ATF7IP: variants seen among roughly 807,000 people sequenced by gnomAD.
ATF7IP encodes the protein activating transcription factor 7-interacting protein 1.
In ATF7IP, 23 loss-of-function variants were observed where a neutral mutation model predicts 106.4. That is an observed-to-expected ratio of 0.22 (90% confidence interval 0.16 to 0.31). The LOEUF is 0.31. Among genes scored for constraint, ATF7IP ranks in the 10% least tolerant of loss-of-function variants. The probability of loss-of-function intolerance (pLI) is 1.00; values close to 1 mark genes in which losing one functional copy is unlikely to be tolerated. For synonymous variants in ATF7IP, 542 were observed against 539.0 expected (o/e 1.01, Z -0.08); for missense variants, 1,334 against 1,524.3 (o/e 0.88, Z 2.08).
At chr12:14,469,381 A>C (rs1046678503) in intron 10 of ATF7IP, among the ~76,000 whole-genome samples, 8 of 135,406 alleles carry the variant, frequency 5.9e-5, no homozygotes, top group African/African-American at 2.0e-4. Context: ...AAAAAAAAAA[A>C]AACTTGGACA....
chr12:14,430,248 C>G (rs1292690045), intron 2 of ATF7IP, among the ~76,000 whole-genome samples: 2 of 152,110 alleles, frequency 1.3e-5, no homozygotes, highest in Non-Finnish European at 2.9e-5. Context: ...TAACCGTTTA[C>G]TATATCAAAT....
At chr12:14,404,576 C>T (rs558406197) in intron 1 of ATF7IP, among the ~76,000 whole-genome samples, 28 of 152,082 alleles carry the variant, frequency 1.8e-4, no homozygotes, top group Non-Finnish European at 4.0e-4. Flanking sequence ...AAATGATTTG[C>T]CTAAGATCTG....
intron 13 of ATF7IP, among the ~76,000 whole-genome samples, chr12:14,483,026 A>C (rs1944478309): frequency 6.6e-6 from 1 of 152,226 alleles, no homozygotes; most frequent in African/African-American, 2.4e-5. Context: ...ATACATGCAC[A>C]AACATGTTTT....
intron 13 of ATF7IP, 29 bp downstream of exon 13, chr12:14,481,214 A>G (rs1164972514): frequency 3.1e-6 from 5 of 1,609,792 alleles, no homozygotes; most frequent in Non-Finnish European, 4.2e-6. Flanking sequence ...ATATGGCCCC[A>G]AGATACATGT....
At chr12:14,398,462 T>TATA (rs1939979334) in intron 1 of ATF7IP, among the ~76,000 whole-genome samples, 1 of 139,196 alleles carries the variant, frequency 7.2e-6, no homozygotes, top group Non-Finnish European at 1.6e-5. Context: ...GACTACAGAA[T>TATA]ATAGCCTTGT....
chr12:14,433,966 T>G (rs974061641), intron 2 of ATF7IP, among the ~76,000 whole-genome samples: 2 of 152,234 alleles, frequency 1.3e-5, no homozygotes, highest in Non-Finnish European at 2.9e-5. Flanking sequence ...TTGATAATTG[T>G]CACAGGCACT....
Position 14,435,492 on chromosome 12 carries a change from C to T in ATF7IP, c.1646-614C>T, listed in dbSNP as rs547497563. 2.6e-5 allele frequency among the ~76,000 whole-genome samples: 4 copies of T among 152,232 alleles called. No homozygotes were observed. The South Asian group carries it at 6.2e-4, about 24-fold the overall frequency. On this transcript the variant is annotated intron_variant, in intron 3 of 14. Coordinates refer to ENST00000261168, the MANE Select transcript of ATF7IP (RefSeq NM_018179.5). The stretch of plus-strand genomic sequence containing the variant: ...AGCCAGATACAAATTTGCTTATGAT[C>T]TCATGAATATTAACAGCACGTGAAA...
chr12:14,482,426 C>G (rs775539545), intron 13 of ATF7IP: 2 of 152,636 alleles, frequency 1.3e-5, no homozygotes, highest in African/African-American at 4.8e-5. Context: ...AGTCCAGTGT[C>G]GAAGGGCAGG....
In ATF7IP at chr12:14,494,319, A is replaced by G. The variant is rs866126909; in HGVS notation, c.3281-1912A>G. Among the ~76,000 whole-genome samples, 124 of 92,160 alleles carry G rather than the reference A, an allele frequency of 1.3e-3. 3 individuals are homozygous for G. Among genetic ancestry groups the G allele is most frequent in the African/African-American group, 6.1e-3 (120 of 19,670 alleles). 60.5% of individuals were successfully genotyped at this position (92,160 alleles called of 152,430 possible). On this transcript the variant is annotated intron_variant, in intron 13 of 14. Coordinates refer to ENST00000261168, the MANE Select transcript of ATF7IP (RefSeq NM_018179.5). ...TATATATATATATATATATATATAT[A>G]TATATATATATATATGTGTGTGTGT...
At chr12:14,482,775 G>A (rs759905674) in intron 13 of ATF7IP, 6 of 152,156 alleles carry the variant, frequency 3.9e-5, no homozygotes, top group South Asian at 2.1e-4. Context: ...TCCACCCCTT[G>A]TCAACTTGAA....
intron 1 of ATF7IP, among the ~76,000 whole-genome samples, chr12:14,381,549 G>C (rs1939002077): frequency 6.6e-6 from 1 of 151,994 alleles, no homozygotes; most frequent in Non-Finnish European, 1.5e-5. Context: ...TTATTTTTCA[G>C]CTTCCCAAAT....
intron 13 of ATF7IP, among the ~76,000 whole-genome samples, chr12:14,491,306 C>T (rs965186760): frequency 3.9e-5 from 6 of 152,168 alleles, no homozygotes; most frequent in African/African-American, 1.4e-4. Flanking sequence ...GTCCACTAGA[C>T]GTTGTGCTTA....
chr12:14,446,052 G>C (rs1218953016), intron 5 of ATF7IP, among the ~76,000 whole-genome samples: 1 of 151,858 alleles, frequency 6.6e-6, no homozygotes, highest in Non-Finnish European at 1.5e-5. Context: ...ATGTATTTGG[G>C]CAAAATATGT....
intron 8 of ATF7IP, among the ~76,000 whole-genome samples, chr12:14,457,537 T>C (rs201116099): frequency 6.6e-6 from 1 of 152,086 alleles, no homozygotes; most frequent in East Asian, 1.9e-4. Flanking sequence ...TTGGGCAACA[T>C]AATGGAATCC....
rs551439024 is a variant in ATF7IP at position 14,390,695 on chromosome 12, C to T, written c.-8+24868C>T. On this transcript the variant is annotated intron_variant, in intron 1 of 14. Coordinates refer to ENST00000261168, the MANE Select transcript of ATF7IP (RefSeq NM_018179.5). ...TTTCCTAATAGAATGTTTTCTTAACCGTACACTAGATTAGATAATGGCCGT... is the reference window on the plus strand; with the variant it reads ...TTTCCTAATAGAATGTTTTCTTAACTGTACACTAGATTAGATAATGGCCGT... 2.6e-5 allele frequency among the ~76,000 whole-genome samples: 4 copies of T among 152,182 alleles called. No homozygotes were observed. The South Asian group carries it at 6.2e-4, about 24-fold the overall frequency.
chr12:14,496,666 A>G (rs1006587366), intron 14 of ATF7IP, among the ~76,000 whole-genome samples: 3 of 152,156 alleles, frequency 2.0e-5, no homozygotes, highest in Admixed American at 1.3e-4. Context: ...CCATGTGTTA[A>G]TTTTATTCTT....
chr12:14,400,594 T>C (rs1940138988), intron 1 of ATF7IP, among the ~76,000 whole-genome samples: 1 of 152,160 alleles, frequency 6.6e-6, no homozygotes, highest in South Asian at 2.1e-4. Context: ...CCTGGGATAT[T>C]AAGGGCTTTT....
At chr12:14,495,601 CTT>C (rs754415005) in intron 13 of ATF7IP, among the ~76,000 whole-genome samples, 4 of 152,130 alleles carry the variant, frequency 2.6e-5, no homozygotes, top group Non-Finnish European at 5.9e-5. Context: ...TAAATTTTCT[CTT>C]TTTGTTTCCC....
intron 8 of ATF7IP, 111 bp from the exon 9 acceptor site, chr12:14,460,384 T>G (rs1591912485): frequency 9.2e-7 from 1 of 1,089,662 alleles, no homozygotes; most frequent in Non-Finnish European, 1.3e-6. Flanking sequence ...TAAAAGACTT[T>G]ACAGTCTTTG....
Sources: allele counts gnomAD v4.1 joint callset (sites outside exome capture counted in the v4.1 genomes callset), GRCh38; gene constraint gnomAD v4.1.1; transcripts MANE v1.5; gene names NCBI Gene and HGNC (gene_info 2026-07-23, HGNC 2026-07-21).